Variants in FOXP4 observed in about 807,000 individuals in gnomAD.
FOXP4 encodes the protein forkhead box P4.
A neutral mutation model predicts 82.6 loss-of-function variants in FOXP4; 25 were observed. That is an observed-to-expected ratio of 0.30 (90% CI 0.22 to 0.42). FOXP4 has a LOEUF of 0.42. Ranked by LOEUF, FOXP4 falls within the 10% of genes least tolerant of loss-of-function variation. The probability of loss-of-function intolerance (pLI) is 1.00; values close to 1 mark genes in which losing one functional copy is unlikely to be tolerated. For synonymous variants in FOXP4, 415 were observed against 388.2 expected, an observed-to-expected ratio of 1.07 and a Z score of -0.81; for missense variants, 785 against 900.9, an observed-to-expected ratio of 0.87 and a Z score of 1.65.
At chr6:41,578,298 G>A (rs1475346914) in intron 3 of FOXP4, among the ~76,000 whole-genome samples, 2 of 152,204 alleles carry the variant, frequency 1.3e-5, no homozygotes, top group East Asian at 3.9e-4. Flanking sequence ...CGCTAGCTTA[G>A]CCTCTTTGTC....
intron 2 of FOXP4, among the ~76,000 whole-genome samples, chr6:41,574,693 G>A (rs972265790): frequency 5.3e-5 from 8 of 152,178 alleles, no homozygotes; most frequent in South Asian, 2.1e-4. Context: ...TATTTCCCAC[G>A]TCTCTCTGAG....
At chr6:41,550,714 G>T (rs995194415) in intron 1 of FOXP4, among the ~76,000 whole-genome samples, 1 of 152,214 alleles carries the variant, frequency 6.6e-6, no homozygotes, top group Non-Finnish European at 1.5e-5. Flanking sequence ...TGGAGAGGGG[G>T]ACTGTAGGTG....
chr6:41,579,877 T>G (rs969548438), intron 3 of FOXP4, among the ~76,000 whole-genome samples: 7 of 152,262 alleles, frequency 4.6e-5, no homozygotes, highest in East Asian at 3.9e-4. Context: ...ACTAAGCGCT[T>G]TACAGCTATC....
rs773937574 is a variant in FOXP4, at chr6:41,585,505, G to T, written c.498G>T (p.Pro166=). The stretch of plus-strand genomic sequence containing the variant: ...TCACCCAGCAGCAGGCTGGGAAACC[G>T]CAGCCCAAAGAGGTAAGGGGCTGTA... ...QLLTQQQAGK[P]QPKEALGNKQ... is the part of the protein sequence containing the mutation. The change falls in exon 5 of 17, where the codon CCG becomes CCT. Residue 166 remains proline (P), a synonymous_variant. Coordinates refer to ENST00000307972, the MANE Select transcript of FOXP4 (RefSeq NM_001012426.2). The T allele has an allele frequency of 6.8e-6, 11 of 1,613,714 alleles. No homozygotes were observed. The South Asian group carries it at 9.9e-5, about 15-fold the overall frequency.
intron 13 of FOXP4, among the ~76,000 whole-genome samples, chr6:41,592,580 T>C (rs1324023735): frequency 2.0e-5 from 3 of 152,226 alleles, no homozygotes; most frequent in Non-Finnish European, 2.9e-5. Context: ...GGGATGATTA[T>C]AATTATTACC....
rs1561800106 is a variant in FOXP4, at chr6:41,588,631, CTT to C, written c.978-12_978-11del. The C allele has an allele frequency of 6.2e-6, 10 of 1,613,940 alleles. No homozygotes were observed. Among genetic ancestry groups the C allele is most frequent in the Non-Finnish European group, 8.5e-6 (10 of 1,179,882 alleles). On this transcript the variant is annotated splice_polypyrimidine_tract_variant and intron_variant, in intron 8 of 16. Coordinates refer to ENST00000307972, the MANE Select transcript of FOXP4 (RefSeq NM_001012426.2). ...CGGAGCCAACTTTCTCTCCTCCTCT[CTT>C]CCCCTTGAAGACACCTCAACACAGA...
Position 41,597,186 on chromosome 6 carries a change from C to T in FOXP4, c.1669C>T (p.Leu557=). Residue 557 remains leucine (L), a synonymous_variant, in exon 15 of 17, where the codon CTG becomes TTG. Transcript: ENST00000307972. ...TTCTCTGTCCTCCAGGAGCCCCACCCTGGTGAAGAACATGATCTCTGGCCT... is the reference window on the plus strand; with the variant it reads ...TTCTCTGTCCTCCAGGAGCCCCACCTTGGTGAAGAACATGATCTCTGGCCT... ...RPPKMTGSPT[L]VKNMISGLSY... The T allele has an allele frequency of 6.2e-7, 1 of 1,614,206 alleles. No individual in the cohort carries two copies. Among genetic ancestry groups the T allele is most frequent in the Middle Eastern group, 1.7e-4 (1 of 6,060 alleles).
In FOXP4 at chr6:41,590,175, G is replaced by A. The variant is rs1175643604; in HGVS notation, c.1357+5G>A. 10 of 1,604,684 alleles carry A rather than the reference G, an allele frequency of 6.2e-6. No individual in the cohort carries two copies. Among genetic ancestry groups the A allele is most frequent in the Non-Finnish European group, 7.7e-6 (9 of 1,173,596 alleles). On this transcript the variant is annotated splice_donor_5th_base_variant and intron_variant, in intron 11 of 16. Coordinates refer to ENST00000307972, the MANE Select transcript of FOXP4 (RefSeq NM_001012426.2). The stretch of plus-strand genomic sequence containing the variant: ...TCTGCTCCCCCATCTCCTCAGGTGA[G>A]GGTGGGCTGGGGGCTGCAGGGCGAC...
At chr6:41,553,640 G>C (rs1259160142) in intron 1 of FOXP4, among the ~76,000 whole-genome samples, 1 of 152,310 alleles carries the variant, frequency 6.6e-6, no homozygotes, top group East Asian at 1.9e-4. Flanking sequence ...GAATTTGGCC[G>C]TGATCCTGTG....
At position 41,565,987 on chromosome 6, in the gene FOXP4, G is replaced by C. The variant is rs763794107; in HGVS notation, c.204+23G>C. On this transcript the variant is annotated intron_variant, in intron 2 of 16. Coordinates refer to ENST00000307972, the MANE Select transcript of FOXP4 (RefSeq NM_001012426.2). The stretch of plus-strand genomic sequence containing the variant: ...CAGGTAGGAACTGGTGCGCCTTGGG[G>C]TATCTGGGAGCGGGAGAGGGGCACT... 3 of 1,598,922 alleles carry C rather than the reference G, an allele frequency of 1.9e-6. No individual in the cohort carries two copies. In the East Asian group the frequency reaches 6.7e-5, roughly 36 times the overall value.
At chr6:41,587,987 C>T in intron 8 of FOXP4, 90 bp downstream of exon 8, 1 of 704,398 alleles carries the variant, frequency 1.4e-6, no homozygotes, top group Non-Finnish European at 2.5e-6. Flanking sequence ...CTTCTGGGAG[C>T]CCTCCTCACT....
intron 5 of FOXP4, among the ~76,000 whole-genome samples, chr6:41,586,040 A>G (rs566290920): frequency 1.3e-5 from 2 of 151,674 alleles, no homozygotes; most frequent in Admixed American, 6.6e-5. Context: ...CGGAGCTTCT[A>G]TACCAGGCCC....
At chr6:41,595,792 T>C (rs1486609351) in intron 14 of FOXP4, among the ~76,000 whole-genome samples, 2 of 152,090 alleles carry the variant, frequency 1.3e-5, no homozygotes, top group Non-Finnish European at 2.9e-5. Flanking sequence ...TTAGTAGAAA[T>C]GTGGTTTCAC....
rs768344957 is a variant in FOXP4, at chr6:41,587,452, C to G, written c.812C>G (p.Pro271Arg). 11 of 1,556,374 alleles carry G rather than the reference C, an allele frequency of 7.1e-6. No homozygotes were observed. The highest frequency in any genetic ancestry group is 5.4e-5 in the African/African-American group (4 of 73,560). ...SFAAPPKVSP[P>R]LSHHTLPNGQ... is the part of the protein sequence containing the mutation. ...GCCGCTCCCCCCAAGGTCTCACCCCCCCTCTCCCACCATACCCTGCCCAAC... is the reference window on the plus strand; with the variant it reads ...GCCGCTCCCCCCAAGGTCTCACCCCGCCTCTCCCACCATACCCTGCCCAAC... The change falls in exon 7 of 17, where the codon CCC (proline) becomes CGC (arginine). Residue 271 changes from proline (P) to arginine (R), a missense_variant. Physicochemically the swap from Pro to Arg is moderately radical, Grantham distance 103 (BLOSUM62 -2). Around this residue, in one of 3 missense-constraint regions of FOXP4, gnomAD observed 570 missense variants for 634.0 expected, o/e 0.90. Transcript: ENST00000307972.
chr6:41,572,904 C>T (rs1272040973), intron 2 of FOXP4, among the ~76,000 whole-genome samples: 1 of 152,178 alleles, frequency 6.6e-6, no homozygotes, highest in African/African-American at 2.4e-5. Flanking sequence ...CTCTGGATCT[C>T]TGTTTCTCCA....
intron 13 of FOXP4, among the ~76,000 whole-genome samples, chr6:41,594,479 C>CGGGGCCCGAATGTGATCTGCT (rs1766707050): frequency 6.6e-6 from 1 of 152,120 alleles, no homozygotes; most frequent in Non-Finnish European, 1.5e-5. Context: ...GCAGAGATGC[C>CGGGGCCCGAATGTGATCTGCT]GGGGCCCGAA....
At chr6:41,578,137 C>T in intron 3 of FOXP4, 56 bp downstream of exon 3, 1 of 1,472,574 alleles carries the variant, frequency 6.8e-7, no homozygotes, top group Non-Finnish European at 9.4e-7. Flanking sequence ...GGGCCTGGCA[C>T]AGAGGGAGGG....
Position 41,591,579 on chromosome 6 carries a change from C to A in FOXP4, c.1536+257C>A, listed in dbSNP as rs1356804032. Among the ~76,000 whole-genome samples, 3 of 152,188 alleles carry A rather than the reference C, an allele frequency of 2.0e-5. No individual in the cohort carries two copies. In the East Asian group the frequency reaches 5.8e-4, roughly 29 times the overall value. ...GGAAGCAATCCTTCTCTAGGGTACA[C>A]CCCCAAGGGCCCCAAAGACGCCAGC... On this transcript the variant is annotated intron_variant, in intron 13 of 16. Transcript: ENST00000307972. The surrounding 1 kb of genome is among the most constrained non-coding windows in gnomAD (Gnocchi z 4.2).
chr6:41,591,183 C>T lies in FOXP4; in HGVS notation c.1435-38C>T. 1 of 1,558,160 alleles carries T rather than the reference C, an allele frequency of 6.4e-7. No individual in the cohort carries two copies. Among genetic ancestry groups the T allele is most frequent in the Non-Finnish European group, 8.8e-7 (1 of 1,142,646 alleles). On this transcript the variant is annotated intron_variant, in intron 12 of 16. Coordinates refer to ENST00000307972, the MANE Select transcript of FOXP4 (RefSeq NM_001012426.2). This position sits in a 1 kb window ranked among gnomAD's most constrained non-coding sequence, Gnocchi z 4.2. ...ACCCAGGGCTGTGACCCTTCGAGGC[C>T]CAGGCTGACGGTCCCTTTGCTTGTT... is the stretch of plus-strand genomic sequence containing the variant.
Sources: allele counts gnomAD v4.1 joint callset (sites outside exome capture counted in the v4.1 genomes callset), GRCh38; gene constraint gnomAD v4.1.1; regional missense constraint gnomAD v4.1.1; non-coding constraint Gnocchi (gnomAD v3.1); transcripts MANE v1.5; gene names NCBI Gene and HGNC (gene_info 2026-07-23, HGNC 2026-07-21).